The following VPS13B variants were observed in gnomAD, a reference collection of about 807,000 sequenced individuals.
The protein encoded by VPS13B is vacuolar protein sorting 13 homolog B.
In VPS13B, 285 loss-of-function variants were observed where a neutral mutation model predicts 426.4. The ratio of observed to expected loss-of-function variants is 0.67; its 90% CI spans 0.61 to 0.74. The LOEUF (loss-of-function observed/expected upper bound fraction) is 0.74, where lower values mean the gene tolerates loss of function less well. Among genes scored for constraint, VPS13B ranks in the 30% least tolerant of loss-of-function variants. The pLI is 0.00. For synonymous variants in VPS13B, 1,676 were observed against 1,676.4 expected (o/e 1.00, Z 0.01); for missense variants, 4,537 against 4,782.6 (o/e 0.95, Z 1.51).
At chr8:99,091,433 T>C (rs1588025170) in intron 3 of VPS13B, among the ~76,000 whole-genome samples, 1 of 152,190 alleles carries the variant, frequency 6.6e-6, no homozygotes, top group Admixed American at 6.5e-5. Flanking sequence ...TAACCCCTTT[T>C]TTCCACCCTT....
At chr8:99,790,447 T>A (rs1588713427) in intron 43 of VPS13B, among the ~76,000 whole-genome samples, 1 of 152,166 alleles carries the variant, frequency 6.6e-6, no homozygotes, top group Non-Finnish European at 1.5e-5. Flanking sequence ...TACATTCTTC[T>A]AAGGAACTTA....
chr8:99,742,365 G>T (rs2130482962), intron 39 of VPS13B, among the ~76,000 whole-genome samples: 1 of 152,282 alleles, frequency 6.6e-6, no homozygotes, highest in South Asian at 2.1e-4. Context: ...TCCAGGACCA[G>T]ATGGATTCAC....
At chr8:99,813,584 T>C (rs1420429282) in intron 44 of VPS13B, among the ~76,000 whole-genome samples, 1 of 152,260 alleles carries the variant, frequency 6.6e-6, no homozygotes, top group East Asian at 1.9e-4. Flanking sequence ...TTTAGGATCA[T>C]AGTTCAGTTG....
intron 25 of VPS13B, among the ~76,000 whole-genome samples, chr8:99,500,240 G>A (rs1394556407): frequency 6.6e-5 from 10 of 152,118 alleles, no homozygotes; most frequent in Admixed American, 6.6e-4. Flanking sequence ...GTTAGCACAG[G>A]AAATTAATAT....
intron 25 of VPS13B, among the ~76,000 whole-genome samples, chr8:99,487,717 G>T (rs1448036696): frequency 6.6e-6 from 1 of 151,982 alleles, no homozygotes; most frequent in East Asian, 1.9e-4. Flanking sequence ...TTTTGTGTCT[G>T]GCTTATTCTA....
At chr8:99,097,877 G>A (rs1718806765) in intron 4 of VPS13B, among the ~76,000 whole-genome samples, 1 of 152,114 alleles carries the variant, frequency 6.6e-6, no homozygotes, top group South Asian at 2.1e-4. Context: ...CTCCAGATTA[G>A]TTCACTGGAT....
At chr8:99,833,663 G>A (rs1815213007) in intron 52 of VPS13B, among the ~76,000 whole-genome samples, 1 of 152,172 alleles carries the variant, frequency 6.6e-6, no homozygotes, top group East Asian at 1.9e-4. Flanking sequence ...GTTTAAGGGT[G>A]TTTTTTGAAA....
At position 99,096,253 on chromosome 8, in the gene VPS13B, TTTC is replaced by T. The variant is rs968122032; in HGVS notation, c.292-56_292-54del. 95 of 1,598,296 alleles carry T rather than the reference TTTC, an allele frequency of 5.9e-5. No homozygotes were observed. In the African/African-American group the frequency reaches 1.2e-3, roughly 20 times the overall value. ...AAACTGCATATATTAAAAAATTTTT[TTTC>T]TTAATTCTTGAGTATGATCGATGGT... is the stretch of plus-strand genomic sequence containing the variant. On this transcript the variant is annotated intron_variant, in intron 3 of 61. Transcript: ENST00000357162.
At chr8:99,241,167 G>A (rs1016955097) in intron 17 of VPS13B, 9 of 152,168 alleles carry the variant, frequency 5.9e-5, no homozygotes, top group Non-Finnish European at 1.0e-4. Context: ...TATGTACTTT[G>A]TGTCAAAGTT....
intron 33 of VPS13B, among the ~76,000 whole-genome samples, chr8:99,601,202 A>T (rs1005352909): frequency 6.6e-6 from 1 of 151,694 alleles, no homozygotes; most frequent in South Asian, 2.1e-4. Flanking sequence ...CCCCGTGTCC[A>T]TGTGTTCTCC....
intron 19 of VPS13B, among the ~76,000 whole-genome samples, chr8:99,350,138 A>G (rs1242132160): frequency 1.3e-5 from 2 of 152,064 alleles, no homozygotes; most frequent in African/African-American, 4.8e-5. Flanking sequence ...CTCGGTCAAG[A>G]TGATGGCTTT....
chr8:99,537,511 G>A (rs1823318663), intron 30 of VPS13B, among the ~76,000 whole-genome samples: 1 of 152,114 alleles, frequency 6.6e-6, no homozygotes, highest in African/African-American at 2.4e-5. Context: ...ATTACATTAT[G>A]CAGTTACAGT....
chr8:99,101,944 G>C (rs185942756), intron 4 of VPS13B, among the ~76,000 whole-genome samples: 1 of 152,106 alleles, frequency 6.6e-6, no homozygotes, highest in Admixed American at 6.5e-5. Context: ...TAGTGGAAAT[G>C]CATTACCTTT....
intron 2 of VPS13B, among the ~76,000 whole-genome samples, chr8:99,024,389 A>G (rs1842041818): frequency 6.6e-6 from 1 of 152,196 alleles, no homozygotes; most frequent in Non-Finnish European, 1.5e-5. Flanking sequence ...CAAAGTCCCA[A>G]AGCATTTTCT....
chr8:99,726,843 A>G (rs375506866), intron 39 of VPS13B, among the ~76,000 whole-genome samples: 2 of 152,204 alleles, frequency 1.3e-5, no homozygotes, highest in East Asian at 3.9e-4. Context: ...GGCATGAGCC[A>G]CCAAAAATTC....
intron 56 of VPS13B, among the ~76,000 whole-genome samples, chr8:99,856,412 A>G (rs1462137116): frequency 1.3e-5 from 2 of 152,232 alleles, no homozygotes; most frequent in Non-Finnish European, 2.9e-5. Flanking sequence ...TGTCGAGGGA[A>G]GGGAGAGAGC....
intron 35 of VPS13B, among the ~76,000 whole-genome samples, chr8:99,664,383 T>C (rs1830373977): frequency 6.6e-6 from 1 of 151,942 alleles, no homozygotes; most frequent in Non-Finnish European, 1.5e-5. Flanking sequence ...TTGTTACATA[T>C]GTATACATGT....
chr8:99,697,031 T>G, intron 35 of VPS13B: 1 of 565,656 alleles, frequency 1.8e-6, no homozygotes, highest in Non-Finnish European at 3.3e-6. Flanking sequence ...GCTGAAGCAG[T>G]GTCTGGACCT....
At chr8:99,804,724 G>A (rs903856423) in intron 43 of VPS13B, among the ~76,000 whole-genome samples, 3 of 152,106 alleles carry the variant, frequency 2.0e-5, no homozygotes, top group African/African-American at 7.2e-5. Flanking sequence ...GGGTTCAATA[G>A]CTCATACCTG....
Sources: allele counts gnomAD v4.1 joint callset (sites outside exome capture counted in the v4.1 genomes callset), GRCh38; gene constraint gnomAD v4.1.1; transcripts MANE v1.5; gene names NCBI Gene and HGNC (gene_info 2026-07-23, HGNC 2026-07-21).